The following KIDINS220 variants were observed in gnomAD, a reference collection of about 807,000 sequenced individuals.
KIDINS220 encodes kinase D-interacting substrate of 220 kDa.
KIDINS220 carries 63 observed loss-of-function variants against 157.6 expected under a neutral mutation model. The ratio of observed to expected loss-of-function variants is 0.40; its 90% CI spans 0.33 to 0.49. The LOEUF (loss-of-function observed/expected upper bound fraction) is 0.49, where lower values mean the gene tolerates loss of function less well. Ranked by LOEUF, KIDINS220 falls within the 20% of genes least tolerant of loss-of-function variation. KIDINS220 has a pLI of 0.66. For missense variants in KIDINS220, 1,772 were observed against 2,171.2 expected, an observed-to-expected ratio of 0.82 and a Z score of 3.65; for synonymous variants, 732 against 783.6, an observed-to-expected ratio of 0.93 and a Z score of 1.10.
At chr2:8,775,999 A>G (rs189438604) in intron 21 of KIDINS220, among the ~76,000 whole-genome samples, 3 of 152,326 alleles carry the variant, frequency 2.0e-5, no homozygotes, top group Admixed American at 1.3e-4. Context: ...ATGAATACAT[A>G]TATGTTGATA....
chr2:8,738,771 T>C (rs1028770065), intron 26 of KIDINS220, among the ~76,000 whole-genome samples: 1 of 152,034 alleles, frequency 6.6e-6, no homozygotes, highest in Non-Finnish European at 1.5e-5. Context: ...ACCAGAAAAA[T>C]GACATTTGTG....
At chr2:8,817,557 C>T in intron 4 of KIDINS220, 61 bp downstream of exon 4, 1 of 942,300 alleles carries the variant, frequency 1.1e-6, no homozygotes, top group Non-Finnish European at 1.6e-6. Context: ...AAATATTTCA[C>T]ACATATCTAT....
intron 22 of KIDINS220, chr2:8,757,672 T>C: frequency 6.2e-7 from 1 of 1,612,458 alleles, no homozygotes. Flanking sequence ...TTCCATGTCC[T>C]GCTTATTTGC....
intron 22 of KIDINS220, among the ~76,000 whole-genome samples, chr2:8,752,991 TA>T (rs1667565063): frequency 6.6e-6 from 1 of 152,184 alleles, no homozygotes; most frequent in Admixed American, 6.6e-5. Context: ...AAACACTTAT[TA>T]AACACTACTG....
chr2:8,751,965 A>G (rs977041452), intron 22 of KIDINS220, among the ~76,000 whole-genome samples: 4 of 152,124 alleles, frequency 2.6e-5, no homozygotes, highest in Non-Finnish European at 4.4e-5. Flanking sequence ...TCAGTCTCCC[A>G]AAGTGCTGGG....
intron 6 of KIDINS220, among the ~76,000 whole-genome samples, chr2:8,811,625 A>C (rs995463825): frequency 6.6e-6 from 1 of 152,220 alleles, no homozygotes; most frequent in African/African-American, 2.4e-5. Flanking sequence ...AATGGCAAGA[A>C]GTGAGCCTGC....
At chr2:8,747,256 T>C (rs1214129095) in intron 25 of KIDINS220, 55 bp from the exon 26 acceptor site, 3 of 1,447,058 alleles carry the variant, frequency 2.1e-6, no homozygotes, top group African/African-American at 2.8e-5. Context: ...GGAGCCAAAC[T>C]GTGAAGACAA....
chr2:8,767,722 G>C (rs984472969), intron 22 of KIDINS220, among the ~76,000 whole-genome samples: 3 of 152,166 alleles, frequency 2.0e-5, no homozygotes, highest in African/African-American at 7.2e-5. Context: ...GCTTATGAAA[G>C]CTTTGGGTGA....
intron 22 of KIDINS220, chr2:8,757,493 GAGC>G: frequency 1.4e-6 from 2 of 1,402,610 alleles, no homozygotes; most frequent in Admixed American, 5.8e-5. Flanking sequence ...CATTTCAGAG[GAGC>G]AGAAGTGACT....
rs1457895315 is a variant in KIDINS220 at position 8,771,761 on chromosome 2, G to A, written c.2849-929C>T. 4.4e-4 allele frequency among the ~76,000 whole-genome samples: 67 copies of A among 152,062 alleles called. 2 individuals are homozygous for A. The highest frequency in any genetic ancestry group is 2.2e-4 in the Non-Finnish European group (15 of 67,974). On this transcript the variant is annotated intron_variant, in intron 21 of 29. Transcript: ENST00000256707. ...AATCCAATTCTTCCTATATCACCAG[G>A]CCCTCACTTCCTCAGCAAATCTGCT...
intron 22 of KIDINS220, among the ~76,000 whole-genome samples, chr2:8,754,470 G>A (rs1437746755): frequency 6.6e-6 from 1 of 152,180 alleles, no homozygotes. Context: ...GAGTGAATTT[G>A]AATTTCCAGC....
Position 8,780,041 on chromosome 2 carries a change from C to T in KIDINS220, c.2230-227G>A, listed in dbSNP as rs145021689. 8.0e-3 allele frequency among the ~76,000 whole-genome samples: 1,214 copies of T among 152,308 alleles called. 14 individuals are homozygous for T. The highest frequency in any genetic ancestry group is 0.027 in the African/African-American group (1,137 of 41,566). ...CCTCAGAATGACACTGTGGGATAGA[C>T]ACTACCATATCTGTTCTAAAAAGAA... On this transcript the variant is annotated intron_variant, in intron 17 of 29. Transcript: ENST00000256707.
Position 8,731,817 on chromosome 2 carries a change from T to C in KIDINS220, c.4219A>G (p.Ser1407Gly). 6.2e-7 allele frequency: 1 copy of C among 1,614,134 alleles called. No homozygotes were observed. ...LEGGPGSTTI[S>G]GRSSPHSTYY... ...GTGCTATGTGGAGAAGATCTGCCAC[T>C]AATGGTTGTAGACCCGGGGCCCCCT... Residue 1407 changes from serine (S) to glycine (G), a missense_variant, in exon 30 of 30, where the codon AGT becomes GGT. Ser to Gly is a moderately conservative substitution (Grantham distance 56, BLOSUM62 0). Around this residue, in one of 3 missense-constraint regions of KIDINS220, gnomAD observed 793 missense variants for 885.5 expected, o/e 0.90. Transcript: ENST00000256707. This position sits in a 1 kb window ranked among gnomAD's most constrained non-coding sequence, Gnocchi z 5.2.
At position 8,817,664 on chromosome 2, in the gene KIDINS220, A is replaced by G. The variant is rs767073436; in HGVS notation, c.260T>C (p.Val87Ala). 4 of 1,608,538 alleles carry G rather than the reference A, an allele frequency of 2.5e-6. No homozygotes were observed. The South Asian group carries it at 4.4e-5, about 18-fold the overall frequency. ...AACCCCACATTTCAGTAGTTCCTCTACGATGTGCACATGCCCTTCTTTCGA... is the reference window on the plus strand; with the variant it reads ...AACCCCACATTTCAGTAGTTCCTCTGCGATGTGCACATGCCCTTCTTTCGA... ...SASKEGHVHI[V>A]EELLKCGVNL... is the part of the protein sequence containing the mutation. Residue 87 changes from valine (V) to alanine (A), a missense_variant, in exon 4 of 30, where the codon GTA (valine) becomes GCA (alanine). By Grantham distance (64) the Val-to-Ala change is moderately conservative. Transcript: ENST00000256707.
At chr2:8,800,555 C>T in intron 8 of KIDINS220, 57 bp from the exon 9 acceptor site, 3 of 1,176,986 alleles carry the variant, frequency 2.5e-6, no homozygotes, top group South Asian at 2.8e-5. Flanking sequence ...AATAAGCACT[C>T]TTTTTAAGTT....
At chr2:8,802,307 G>GCT (rs1245245149) in intron 8 of KIDINS220, among the ~76,000 whole-genome samples, 1 of 152,196 alleles carries the variant, frequency 6.6e-6, no homozygotes, top group African/African-American at 2.4e-5. Context: ...CAGTTGCAAA[G>GCT]CTACTGCTTT....
chr2:8,786,500 A>G (rs1372422770), intron 15 of KIDINS220, 143 bp from the exon 16 acceptor site: 1 of 705,816 alleles, frequency 1.4e-6, no homozygotes, highest in Non-Finnish European at 2.4e-6. Context: ...AGGAGGGAAA[A>G]GAATTTGTAA....
chr2:8,784,678 T>C (rs1672157284), intron 17 of KIDINS220, among the ~76,000 whole-genome samples: 1 of 152,176 alleles, frequency 6.6e-6, no homozygotes. Context: ...ACAACATGTG[T>C]AATCAGGGAA....
At chr2:8,819,574 A>G (rs1168145491) in intron 2 of KIDINS220, among the ~76,000 whole-genome samples, 1 of 152,238 alleles carries the variant, frequency 6.6e-6, no homozygotes, top group Non-Finnish European at 1.5e-5. Context: ...CTGTAATCCC[A>G]GCACTTTGGG....
Sources: allele counts gnomAD v4.1 joint callset (sites outside exome capture counted in the v4.1 genomes callset), GRCh38; gene constraint gnomAD v4.1.1; regional missense constraint gnomAD v4.1.1; non-coding constraint Gnocchi (gnomAD v3.1); transcripts MANE v1.5; gene names NCBI Gene and HGNC (gene_info 2026-07-23, HGNC 2026-07-21).